KAT6A: variants seen among roughly 807,000 people sequenced by gnomAD.
KAT6A encodes histone acetyltransferase KAT6A.
KAT6A carries 9 observed loss-of-function variants against 198.4 expected under a neutral mutation model. That is an observed-to-expected ratio of 0.05 (90% CI 0.03 to 0.08). The LOEUF is 0.08. KAT6A is among the 10% of genes least tolerant of loss of function. The probability of loss-of-function intolerance (pLI) is 1.00; values close to 1 mark genes in which losing one functional copy is unlikely to be tolerated. For missense variants in KAT6A, 2,077 were observed against 2,509.9 expected (o/e 0.83, Z 3.69); for synonymous variants, 890 against 883.0 (o/e 1.01, Z -0.14).
chr8:42,014,227 G>A (rs866611482), intron 2 of KAT6A, among the ~76,000 whole-genome samples: 1 of 152,100 alleles, frequency 6.6e-6, no homozygotes, highest in Non-Finnish European at 1.5e-5. Context: ...TGTACTAGAC[G>A]TGATGTGTGA....
chr8:41,932,713 T>C lies in KAT6A; in HGVS notation c.5507A>G (p.Asn1836Ser), dbSNP rs747358004. The change falls in exon 17 of 17, where the codon AAC (asparagine) becomes AGC (serine). Residue 1836 changes from asparagine (N) to serine (S), a missense_variant. Asn to Ser is a conservative substitution (Grantham distance 46, BLOSUM62 1). This residue lies in a region of KAT6A where 500 missense variants were observed against 577.2 expected (regional missense o/e 0.87). Transcript: ENST00000265713. ...TCTCTGCGTGTGAGGAATGCCAATG[T>C]TGGTGGCAGACATGTTGCACTGAAG... ...PLLQCNMSATNIGIPHTQRLQ... is the reference protein window; with the variant it reads ...PLLQCNMSATSIGIPHTQRLQ... The C allele has an allele frequency of 1.2e-6, 2 of 1,614,242 alleles. No homozygotes were observed. The highest frequency in any genetic ancestry group is 1.7e-6 in the Non-Finnish European group (2 of 1,180,038).
intron 12 of KAT6A, among the ~76,000 whole-genome samples, chr8:41,944,684 A>G (rs898196114): frequency 1.3e-5 from 2 of 152,268 alleles, no homozygotes; most frequent in Non-Finnish European, 2.9e-5. Flanking sequence ...AAGTAAATAC[A>G]AACAATACTG....
At chr8:41,970,111 T>C (rs1011842235) in intron 8 of KAT6A, among the ~76,000 whole-genome samples, 7 of 151,084 alleles carry the variant, frequency 4.6e-5, no homozygotes, top group African/African-American at 7.2e-5. Context: ...ATCTGTCTGT[T>C]TGTGAAACTA....
At chr8:41,936,878 A>G (rs1821879600) in intron 16 of KAT6A, among the ~76,000 whole-genome samples, 1 of 152,232 alleles carries the variant, frequency 6.6e-6, no homozygotes, top group Admixed American at 6.5e-5. Flanking sequence ...GCATACAGCA[A>G]TGAGCAAAAC....
intron 2 of KAT6A, among the ~76,000 whole-genome samples, chr8:42,001,679 C>T (rs1184796592): frequency 6.6e-6 from 1 of 152,156 alleles, no homozygotes; most frequent in African/African-American, 2.4e-5. Flanking sequence ...AAGATGAAGG[C>T]CTTGGGAACC....
At position 41,941,103 on chromosome 8, in the gene KAT6A, C is replaced by G. The variant is rs769501203; in HGVS notation, c.2778G>C (p.Gln926His). ...GGTCAGGTTTCCCGTCCTGGCTTGGCTGCTCCTCAGAAGCCACCAGCTGTT... is the reference window on the plus strand; with the variant it reads ...GGTCAGGTTTCCCGTCCTGGCTTGGGTGCTCCTCAGAAGCCACCAGCTGTT... ...SEEQLVASEE[Q>H]PSQDGKPDLP... Residue 926 changes from glutamine to histidine, a missense_variant, in exon 15 of 17, where the codon CAG becomes CAC. Gln to His is a conservative substitution (Grantham distance 24). Around this residue, in one of 13 missense-constraint regions of KAT6A, gnomAD observed 301 missense variants for 272.2 expected, o/e 1.11. Coordinates refer to ENST00000265713, the MANE Select transcript of KAT6A (RefSeq NM_006766.5). The G allele has an allele frequency of 6.2e-7, 1 of 1,614,242 alleles. No individual in the cohort carries two copies. Among genetic ancestry groups the G allele is most frequent in the Non-Finnish European group, 8.5e-7 (1 of 1,180,046 alleles).
intron 8 of KAT6A, among the ~76,000 whole-genome samples, chr8:41,959,648 AT>A (rs1452262615): frequency 1.3e-5 from 2 of 152,222 alleles, no homozygotes; most frequent in African/African-American, 4.8e-5. Flanking sequence ...ACAATGGAAT[AT>A]TCTCCAGCCT....
Position 41,965,180 on chromosome 8 carries a change from T to C in KAT6A, c.1482+9524A>G, listed in dbSNP as rs896977951. ...CAGGTACACATCAGAATTGTGTCCGTGCTTCTGAGGTGACAGATTTGACCT... is the reference window on the plus strand; with the variant it reads ...CAGGTACACATCAGAATTGTGTCCGCGCTTCTGAGGTGACAGATTTGACCT... On this transcript the variant is annotated intron_variant, in intron 8 of 16. Coordinates refer to ENST00000265713, the MANE Select transcript of KAT6A (RefSeq NM_006766.5). Among the ~76,000 whole-genome samples, 44 of 152,228 alleles carry C rather than the reference T, an allele frequency of 2.9e-4. 1 individual carries two copies. Among genetic ancestry groups the C allele is most frequent in the Admixed American group, 8.5e-4 (13 of 15,288 alleles).
intron 9 of KAT6A, among the ~76,000 whole-genome samples, chr8:41,949,803 A>T (rs1822577516): frequency 6.6e-6 from 1 of 152,214 alleles, no homozygotes; most frequent in Non-Finnish European, 1.5e-5. Context: ...TTTATGGAAC[A>T]CAAATCCTGC....
intron 14 of KAT6A, chr8:41,942,053 A>G (rs933975086): frequency 2.1e-5 from 4 of 186,920 alleles, no homozygotes; most frequent in African/African-American, 7.0e-5. Context: ...GAGGCATGGG[A>G]TTTTTTATGT....
chr8:42,013,309 G>C (rs1008252480), intron 2 of KAT6A, among the ~76,000 whole-genome samples: 1 of 149,854 alleles, frequency 6.7e-6, no homozygotes, highest in African/African-American at 2.5e-5. Context: ...AGGCTGGAGT[G>C]CAGTGGCGCG....
rs747372778 is a variant in KAT6A, at chr8:41,940,904, C to T, written c.2977G>A (p.Glu993Lys). 1.3e-6 allele frequency: 2 copies of T among 1,596,028 alleles called. No individual in the cohort carries two copies. The highest frequency in any genetic ancestry group is 2.3e-5 in the South Asian group (2 of 88,450). The change falls in exon 15 of 17, where the codon GAG becomes AAG. Residue 993 changes from glutamate to lysine, a missense_variant. Physicochemically the swap from Glu to Lys is moderately conservative, Grantham distance 56. Coordinates refer to ENST00000265713, the MANE Select transcript of KAT6A (RefSeq NM_006766.5). ...GFSESSEEEE[E>K]PESPRSSSPP... ...GAGCTTGACCGAGGGCTTTCCGGCT[C>T]CTCCTCCTCCTCGCTGCTCTCACTG...
chr8:42,027,963 G>C (rs535019759), intron 2 of KAT6A, among the ~76,000 whole-genome samples: 5 of 152,134 alleles, frequency 3.3e-5, no homozygotes, highest in Admixed American at 1.3e-4. Flanking sequence ...CCCATTTGTT[G>C]TAAGAAATTT....
chr8:41,939,645 T>C (rs1822008773), intron 15 of KAT6A, among the ~76,000 whole-genome samples: 1 of 152,198 alleles, frequency 6.6e-6, no homozygotes, highest in East Asian at 1.9e-4. Flanking sequence ...CCCATTCTAA[T>C]ATCATGAGGG....
rs546787063 is a variant in KAT6A at position 41,959,032 on chromosome 8, G to C, written c.1483-3621C>G. ...AAATTAGCTGAGGAGCTTGGTGGCGGGCACCTGTAGTCCCAGCTACTCAGA... is the reference window on the plus strand; with the variant it reads ...AAATTAGCTGAGGAGCTTGGTGGCGCGCACCTGTAGTCCCAGCTACTCAGA... On this transcript the variant is annotated intron_variant, in intron 8 of 16. Transcript: ENST00000265713. Among the ~76,000 whole-genome samples the C allele has an allele frequency of 7.9e-5, 12 of 151,996 alleles. No homozygotes were observed. The South Asian group carries it at 2.5e-3, about 32-fold the overall frequency.
chr8:41,957,234 C>A, intron 8 of KAT6A: 1 of 574,336 alleles, frequency 1.7e-6, no homozygotes, highest in South Asian at 1.4e-5. Context: ...CCGCCTTTAA[C>A]CTTTGCACCG....
At position 41,952,403 on chromosome 8, in the gene KAT6A, T is replaced by C. The variant is rs1375450252; in HGVS notation, c.1598+2893A>G. Among the ~76,000 whole-genome samples the C allele has an allele frequency of 2.0e-5, 3 of 152,328 alleles. No homozygotes were observed. In the East Asian group the frequency reaches 5.8e-4, roughly 29 times the overall value. On this transcript the variant is annotated intron_variant, in intron 9 of 16. Transcript: ENST00000265713. ...CCAATGATCATAATTTCTTTTGCCT[T>C]AAGCCCATCTATGTCATGCTCTTAA...
chr8:41,985,934 T>TTTG (rs1824579933), intron 3 of KAT6A, among the ~76,000 whole-genome samples: 2 of 152,004 alleles, frequency 1.3e-5, no homozygotes, highest in South Asian at 2.1e-4. Flanking sequence ...TAAGTTTTTT[T>TTTG]TTTGTTTGTT....
intron 2 of KAT6A, among the ~76,000 whole-genome samples, chr8:42,010,857 A>G (rs921867949): frequency 6.6e-6 from 1 of 152,154 alleles, no homozygotes; most frequent in African/African-American, 2.4e-5. Flanking sequence ...ACTGGCAAAG[A>G]AGGTCCCTTT....
Sources: allele counts gnomAD v4.1 joint callset (sites outside exome capture counted in the v4.1 genomes callset), GRCh38; gene constraint gnomAD v4.1.1; regional missense constraint gnomAD v4.1.1; transcripts MANE v1.5; gene names NCBI Gene and HGNC (gene_info 2026-07-23, HGNC 2026-07-21).